USP34: variants seen among roughly 807,000 people sequenced by gnomAD.
USP34 encodes ubiquitin carboxyl-terminal hydrolase 34.
In USP34, 70 loss-of-function variants were observed where a neutral mutation model predicts 460.3. The observed-to-expected ratio is 0.15, with a 90% confidence interval of 0.13 to 0.19. The LOEUF is 0.19. Among genes scored for constraint, USP34 ranks in the 10% least tolerant of loss-of-function variants. The pLI is 1.00. For missense variants in USP34, 3,985 were observed against 4,236.2 expected, an observed-to-expected ratio of 0.94 and a Z score of 1.65; for synonymous variants, 1,647 against 1,405.3, an observed-to-expected ratio of 1.17 and a Z score of -3.85.
intron 1 of USP34, among the ~76,000 whole-genome samples, chr2:61,452,905 C>CAAAAAAAAAAAA: frequency 7.9e-6 from 1 of 127,136 alleles, no homozygotes; most frequent in Non-Finnish European, 1.7e-5. Flanking sequence ...ACCCCACAAC[C>CAAAAAAAAAAAA]AAAAAAAAAA....
intron 27 of USP34, among the ~76,000 whole-genome samples, chr2:61,306,616 CT>C (rs1445213473): frequency 6.6e-6 from 1 of 152,116 alleles, no homozygotes; most frequent in Non-Finnish European, 1.5e-5. Context: ...TCATTGGTAG[CT>C]TGAGGGGATG....
intron 10 of USP34, among the ~76,000 whole-genome samples, chr2:61,358,386 TGA>T (rs981846910): frequency 8.6e-5 from 13 of 151,976 alleles, no homozygotes; most frequent in African/African-American, 3.1e-4. Context: ...AAAAAAATTA[TGA>T]GATATTATAA....
chr2:61,326,689 G>A (rs148371278), intron 20 of USP34, among the ~76,000 whole-genome samples: 1 of 151,760 alleles, frequency 6.6e-6, no homozygotes, highest in African/African-American at 2.4e-5. Flanking sequence ...GCAGACTGTG[G>A]ATCAACTGCC....
At chr2:61,353,163 C>T (rs1049686739) in intron 10 of USP34, among the ~76,000 whole-genome samples, 13 of 152,270 alleles carry the variant, frequency 8.5e-5, no homozygotes, top group African/African-American at 2.9e-4. Flanking sequence ...GTAAGGACCA[C>T]GTCCCTGAAC....
At chr2:61,372,130 A>T (rs1245723869) in intron 8 of USP34, among the ~76,000 whole-genome samples, 1 of 152,192 alleles carries the variant, frequency 6.6e-6, no homozygotes. Flanking sequence ...TATTATATAC[A>T]GATAAACTGG....
At chr2:61,349,630 G>C (rs1691883628) in intron 12 of USP34, among the ~76,000 whole-genome samples, 1 of 152,130 alleles carries the variant, frequency 6.6e-6, no homozygotes, top group African/African-American at 2.4e-5. Context: ...GACAAGATCA[G>C]GAGATCGAGA....
At chr2:61,357,939 C>T (rs1356577652) in intron 10 of USP34, among the ~76,000 whole-genome samples, 1 of 152,042 alleles carries the variant, frequency 6.6e-6, no homozygotes, top group Non-Finnish European at 1.5e-5. Context: ...GTCTGTAATC[C>T]CAGCACTTTG....
chr2:61,420,883 T>G (rs769120087), intron 1 of USP34, 50 bp from the exon 2 acceptor site: 25 of 1,376,874 alleles, frequency 1.8e-5, no homozygotes, highest in Admixed American at 3.9e-5. Context: ...AAACCAGTAT[T>G]AAAGCCAACA....
chr2:61,350,965 G>A (rs556821032), intron 10 of USP34, among the ~76,000 whole-genome samples: 1 of 152,210 alleles, frequency 6.6e-6, no homozygotes, highest in African/African-American at 2.4e-5. Context: ...GCTGATGCCT[G>A]TAATTCCAAT....
rs561458402 is a variant in USP34 at position 61,217,771 on chromosome 2, G to T, written c.8047+2539C>A. On this transcript the variant is annotated intron_variant, in intron 67 of 79. Transcript: ENST00000398571. ...AGTTTGAGACCAGCCTGACCAATACGGTGAAACCCCGTCTCTACTAAAAAT... is the reference window on the plus strand; with the variant it reads ...AGTTTGAGACCAGCCTGACCAATACTGTGAAACCCCGTCTCTACTAAAAAT... Among the ~76,000 whole-genome samples the T allele has an allele frequency of 2.2e-3, 330 of 152,154 alleles. 1 individual carries two copies. The highest frequency in any genetic ancestry group is 7.8e-3 in the African/African-American group (325 of 41,492).
chr2:61,444,259 T>C (rs1405837306), intron 1 of USP34, among the ~76,000 whole-genome samples: 1 of 151,694 alleles, frequency 6.6e-6, no homozygotes, highest in Non-Finnish European at 1.5e-5. Flanking sequence ...AAATAAAATC[T>C]ATTAAAAAGA....
chr2:61,289,381 C>G (rs528848928), intron 33 of USP34, among the ~76,000 whole-genome samples: 1 of 152,092 alleles, frequency 6.6e-6, no homozygotes, highest in African/African-American at 2.4e-5. Context: ...TCCATAACCA[C>G]ATTAAAAATA....
chr2:61,272,415 A>G (rs1032246778), intron 41 of USP34, among the ~76,000 whole-genome samples: 5 of 151,646 alleles, frequency 3.3e-5, no homozygotes, highest in African/African-American at 1.2e-4. Context: ...CATCTCAAAA[A>G]AAAAAAAAAA....
At chr2:61,259,258 C>CAAAAAAAAAAAAAA in intron 44 of USP34, among the ~76,000 whole-genome samples, 1 of 151,398 alleles carries the variant, frequency 6.6e-6, no homozygotes, top group Admixed American at 6.6e-5. Flanking sequence ...GACTCTGTCT[C>CAAAAAAAAAAAAAA]AAAATAAATA....
At chr2:61,323,605 G>A (rs1411305114) in intron 21 of USP34, among the ~76,000 whole-genome samples, 1 of 152,100 alleles carries the variant, frequency 6.6e-6, no homozygotes, top group Non-Finnish European at 1.5e-5. Context: ...ATCACTTGGA[G>A]GGCAGGTGAA....
rs538346630 is a variant in USP34 at position 61,187,734 on chromosome 2, G to A, written c.*368C>T. The A allele has an allele frequency of 4.2e-6, 2 of 475,784 alleles. No individual in the cohort carries two copies. Among genetic ancestry groups the A allele is most frequent in the African/African-American group, 2.1e-5 (1 of 46,988 alleles). 29.5% of individuals were successfully genotyped at this position (475,784 alleles called of 1,614,324 possible). A position where few individuals can be genotyped will look rare whatever the true frequency, so the allele number is the denominator to read the frequency against. On this transcript the variant is annotated 3_prime_UTR_variant, in exon 80 of 80. Transcript: ENST00000398571. ...GATCGGAGGCAATCTGCCTCTATAA[G>A]GTACAAAACTGGCACAGAGGACACC...
chr2:61,405,127 G>A (rs1187349847), intron 3 of USP34, among the ~76,000 whole-genome samples: 1 of 151,090 alleles, frequency 6.6e-6, no homozygotes, highest in African/African-American at 2.4e-5. Context: ...CAACTACTTG[G>A]GAGGCTGAGG....
Position 61,193,000 on chromosome 2 carries a change from CAGAAT to C in USP34, c.9509-25_9509-21del. 6.3e-7 allele frequency: 1 copy of C among 1,587,028 alleles called. No homozygotes were observed. The highest frequency in any genetic ancestry group is 8.6e-7 in the Non-Finnish European group (1 of 1,157,456). On this transcript the variant is annotated intron_variant, in intron 75 of 79. Coordinates refer to ENST00000398571, the MANE Select transcript of USP34 (RefSeq NM_014709.4). ...GGACACCTAATATTTGAAAAGAAAT[CAGAAT>C]AGGTTATAATTATAAATTATACTAG...
chr2:61,319,630 A>G (rs541303991), intron 21 of USP34, among the ~76,000 whole-genome samples: 19 of 152,086 alleles, frequency 1.2e-4, no homozygotes, highest in Admixed American at 1.2e-3. Context: ...GGACTGCCTG[A>G]GCTTGGGAGA....
Sources: gnomAD v4.1 joint callset for allele counts (sites outside exome capture counted in the v4.1 genomes callset) on GRCh38, gnomAD v4.1.1 for gene constraint, MANE v1.5 for transcripts, NCBI Gene and HGNC (gene_info 2026-07-23, HGNC 2026-07-21) for gene names.